Variants in GMDS observed in about 807,000 individuals in gnomAD.
The protein encoded by GMDS is GDP-mannose 4,6-dehydratase.
Under a neutral mutation model 49.9 loss-of-function variants are expected in GMDS, and 20 were observed. The ratio of observed to expected loss-of-function variants is 0.40; its 90% confidence interval spans 0.28 to 0.58. The LOEUF is 0.58. Ranked by LOEUF, GMDS falls within the 20% of genes least tolerant of loss-of-function variation. The pLI is 0.42. For missense variants in GMDS, 362 were observed against 481.4 expected (o/e 0.75, Z 2.32); for synonymous variants, 177 against 178.6 (o/e 0.99, Z 0.07).
chr6:1,807,216 A>AT (rs1770215478), intron 7 of GMDS, among the ~76,000 whole-genome samples: 1 of 151,976 alleles, frequency 6.6e-6, no homozygotes, highest in South Asian at 2.1e-4. Flanking sequence ...AAATTTTTAC[A>AT]TTTTTTGTAA....
chr6:2,045,191 A>T (rs1006015330), intron 4 of GMDS, among the ~76,000 whole-genome samples: 1 of 152,074 alleles, frequency 6.6e-6, no homozygotes, highest in South Asian at 2.1e-4. Context: ...CATGTTAAAA[A>T]GTCTTAAATT....
chr6:1,818,186 T>C (rs1770745480), intron 7 of GMDS, among the ~76,000 whole-genome samples: 1 of 152,204 alleles, frequency 6.6e-6, no homozygotes. Context: ...ATCTGTTAAA[T>C]TTCTGGGAAA....
intron 1 of GMDS, among the ~76,000 whole-genome samples, chr6:2,198,001 T>C (rs1779348698): frequency 6.6e-6 from 1 of 152,216 alleles, no homozygotes; most frequent in Non-Finnish European, 1.5e-5. Flanking sequence ...GGGGAGACAC[T>C]GTACAAAGTA....
intron 9 of GMDS, among the ~76,000 whole-genome samples, chr6:1,690,705 CA>C (rs1765139819): frequency 1.3e-5 from 2 of 152,276 alleles, no homozygotes; most frequent in Admixed American, 1.3e-4. Context: ...GCAAAGGACA[CA>C]AACACACACT....
intron 7 of GMDS, among the ~76,000 whole-genome samples, chr6:1,781,035 T>C (rs1326881179): frequency 6.6e-6 from 1 of 151,774 alleles, no homozygotes; most frequent in East Asian, 1.9e-4. Flanking sequence ...AACCAATCTG[T>C]GTTGTAAAAG....
chr6:2,209,556 C>G (rs1779967402), intron 1 of GMDS, among the ~76,000 whole-genome samples: 1 of 139,144 alleles, frequency 7.2e-6, no homozygotes, highest in Non-Finnish European at 1.5e-5. Flanking sequence ...AATACACATA[C>G]ATACACATAC....
At chr6:2,091,024 C>T (rs913664444) in intron 4 of GMDS, among the ~76,000 whole-genome samples, 4 of 152,262 alleles carry the variant, frequency 2.6e-5, no homozygotes, top group African/African-American at 7.2e-5. Context: ...TATCTCATTT[C>T]ATTTTCATTC....
chr6:1,925,281 C>A (rs1179127516), intron 7 of GMDS, among the ~76,000 whole-genome samples: 12 of 152,048 alleles, frequency 7.9e-5, no homozygotes, highest in Admixed American at 7.9e-4. Flanking sequence ...TTTTTTTCTT[C>A]AAGTTGAAAT....
At chr6:2,200,946 A>G (rs1359398821) in intron 1 of GMDS, among the ~76,000 whole-genome samples, 918 of 70,110 alleles carry the variant, frequency 0.013, no homozygotes, top group Middle Eastern at 0.048. Flanking sequence ...TAGCAGAGAG[A>G]TGAAGGATGA....
intron 1 of GMDS, among the ~76,000 whole-genome samples, chr6:2,208,225 A>G (rs1779894058): frequency 6.6e-6 from 1 of 152,190 alleles, no homozygotes; most frequent in Non-Finnish European, 1.5e-5. Context: ...TCTACCCTCA[A>G]GTTTACGCCA....
intron 9 of GMDS, among the ~76,000 whole-genome samples, chr6:1,675,014 T>G (rs528397230): frequency 1.3e-5 from 2 of 152,236 alleles, no homozygotes; most frequent in Admixed American, 1.3e-4. Flanking sequence ...CTCGGCTCAC[T>G]GCAACCTCCA....
chr6:2,140,207 C>T (rs1411690550), intron 1 of GMDS, among the ~76,000 whole-genome samples: 2 of 151,994 alleles, frequency 1.3e-5, no homozygotes, highest in Admixed American at 6.6e-5. Flanking sequence ...TGAGCATAAT[C>T]GCGAGAGTCC....
intron 6 of GMDS, among the ~76,000 whole-genome samples, chr6:1,957,691 G>A (rs569908755): frequency 6.6e-6 from 1 of 152,224 alleles, no homozygotes; most frequent in Non-Finnish European, 1.5e-5. Flanking sequence ...CTGAAGGAAT[G>A]TTAACAGTGG....
At chr6:1,750,645 A>T (rs1227428643) in intron 7 of GMDS, among the ~76,000 whole-genome samples, 11 of 152,120 alleles carry the variant, frequency 7.2e-5, no homozygotes, top group Admixed American at 7.2e-4. Flanking sequence ...TTCAAGCACA[A>T]AACTGGGCAG....
At chr6:2,028,487 T>A (rs1768743427) in intron 4 of GMDS, among the ~76,000 whole-genome samples, 1 of 152,208 alleles carries the variant, frequency 6.6e-6, no homozygotes, top group African/African-American at 2.4e-5. Context: ...ACACCCCATG[T>A]AATTCTGAGT....
intron 7 of GMDS, among the ~76,000 whole-genome samples, chr6:1,794,770 A>G (rs1769672733): frequency 6.6e-6 from 1 of 152,230 alleles, no homozygotes. Flanking sequence ...TCCCAAATAT[A>G]TAAAAATCAT....
intron 4 of GMDS, among the ~76,000 whole-genome samples, chr6:2,001,111 A>T (rs75638821): frequency 0.024 from 3,666 of 152,284 alleles, 88 homozygotes; most frequent in South Asian, 0.094. Context: ...TTTCATCAGT[A>T]GTGTACGAGA....
chr6:1,864,698 G>A (rs1343224573), intron 7 of GMDS, among the ~76,000 whole-genome samples: 2 of 152,146 alleles, frequency 1.3e-5, no homozygotes, highest in African/African-American at 4.8e-5. Flanking sequence ...ATCAGAACCA[G>A]ACCTGTCAGT....
At chr6:2,045,466 CA>C (rs1438594313) in intron 4 of GMDS, among the ~76,000 whole-genome samples, 8 of 150,956 alleles carry the variant, frequency 5.3e-5, no homozygotes, top group Non-Finnish European at 1.2e-4. Flanking sequence ...GACAAAATTT[CA>C]ACATGATTTA....
Sources: allele counts gnomAD v4.1 joint callset (sites outside exome capture counted in the v4.1 genomes callset), GRCh38; gene constraint gnomAD v4.1.1; transcripts MANE v1.5; gene names NCBI Gene and HGNC (gene_info 2026-07-23, HGNC 2026-07-21).